BMP5: variants seen among roughly 807,000 people sequenced by gnomAD.
BMP5 encodes the protein bone morphogenetic protein 5.
Under a neutral mutation model 46.6 loss-of-function variants are expected in BMP5, and 23 were observed. The ratio of observed to expected loss-of-function variants is 0.49; its 90% CI spans 0.35 to 0.70. BMP5 has a LOEUF of 0.70. Ranked by LOEUF, BMP5 falls within the 30% of genes least tolerant of loss-of-function variation. BMP5 has a pLI of 0.00. For missense variants in BMP5, 545 were observed against 565.6 expected (o/e 0.96, Z 0.37); for synonymous variants, 204 against 191.9 (o/e 1.06, Z -0.52).
At chr6:55,783,193 C>G (rs1483492475) in intron 3 of BMP5, among the ~76,000 whole-genome samples, 1 of 152,006 alleles carries the variant, frequency 6.6e-6, no homozygotes, top group East Asian at 1.9e-4. Flanking sequence ...TTCCCCAGTT[C>G]CTATTCCACT....
At chr6:55,764,557 G>C (rs1336227817) in intron 4 of BMP5, among the ~76,000 whole-genome samples, 1 of 134,624 alleles carries the variant, frequency 7.4e-6, no homozygotes, top group African/African-American at 2.9e-5. Flanking sequence ...GGGCGACAGA[G>C]CAAGACTCTG....
At chr6:55,867,804 A>C (rs1471976468) in intron 1 of BMP5, among the ~76,000 whole-genome samples, 1 of 152,208 alleles carries the variant, frequency 6.6e-6, no homozygotes, top group Non-Finnish European at 1.5e-5. Flanking sequence ...TATTATCTGC[A>C]CTTTTTAGAT....
intron 2 of BMP5, among the ~76,000 whole-genome samples, chr6:55,814,401 A>G (rs181945103): frequency 1.0e-3 from 154 of 152,330 alleles, no homozygotes; most frequent in Admixed American, 4.2e-3. Context: ...GCATTGGGAT[A>G]TGCATTAGCC....
chr6:55,759,136 CACACACACA>C (rs1489094635), intron 5 of BMP5, 21 bp from the exon 6 acceptor site: 1 of 293,254 alleles, frequency 3.4e-6, no homozygotes, highest in African/African-American at 6.6e-5. Context: ...CACACACACA[CACACACACA>C]AAAAAAAAAA....
At chr6:55,798,980 G>A (rs1044941272) in intron 2 of BMP5, among the ~76,000 whole-genome samples, 12 of 152,170 alleles carry the variant, frequency 7.9e-5, no homozygotes, top group African/African-American at 2.2e-4. Flanking sequence ...TAACTCAACC[G>A]AAGATGCTAA....
chr6:55,842,454 A>G (rs1157502979), intron 1 of BMP5, among the ~76,000 whole-genome samples: 1 of 152,092 alleles, frequency 6.6e-6, no homozygotes, highest in Non-Finnish European at 1.5e-5. Flanking sequence ...CTACACATAC[A>G]GAATGCAACA....
At chr6:55,784,439 T>C (rs1775399100) in intron 3 of BMP5, among the ~76,000 whole-genome samples, 1 of 151,788 alleles carries the variant, frequency 6.6e-6, no homozygotes, top group African/African-American at 2.4e-5. Context: ...AATCAATAAC[T>C]ATAAAGAGAA....
chr6:55,756,681 G>A (rs549326595), intron 6 of BMP5, among the ~76,000 whole-genome samples: 1 of 151,864 alleles, frequency 6.6e-6, no homozygotes, highest in Non-Finnish European at 1.5e-5. Context: ...CTTGCATGTG[G>A]ACAGAAACAG....
rs188001783 is a variant in BMP5, at chr6:55,757,186, G to T, written c.1216-1504C>A. Among the ~76,000 whole-genome samples the T allele has an allele frequency of 2.0e-3, 310 of 151,988 alleles. 2 individuals carry two copies. Among genetic ancestry groups the T allele is most frequent in the African/African-American group, 6.9e-3 (285 of 41,516 alleles). On this transcript the variant is annotated intron_variant, in intron 6 of 6. Coordinates refer to ENST00000370830, the MANE Select transcript of BMP5 (RefSeq NM_021073.4). Reference sequence around the variant, plus strand: ...TTTTAAAAAAGAAAAAATGAGAGAAGGGGGAGTATTTGACAAAGGGTATTT... The same window carrying T: ...TTTTAAAAAAGAAAAAATGAGAGAATGGGGAGTATTTGACAAAGGGTATTT...
intron 1 of BMP5, among the ~76,000 whole-genome samples, chr6:55,824,037 C>A (rs986077604): frequency 5.9e-5 from 9 of 151,626 alleles, no homozygotes; most frequent in South Asian, 2.1e-4. Context: ...TCCTTCATAC[C>A]CAACCTTTTA....
intron 2 of BMP5, among the ~76,000 whole-genome samples, chr6:55,803,220 C>G (rs1307429142): frequency 6.6e-6 from 1 of 151,776 alleles, no homozygotes; most frequent in East Asian, 1.9e-4. Context: ...CGCTTAAACC[C>G]AGGAGGCAGA....
chr6:55,767,792 A>C (rs546862393), intron 4 of BMP5, among the ~76,000 whole-genome samples: 1 of 152,128 alleles, frequency 6.6e-6, no homozygotes, highest in Non-Finnish European at 1.5e-5. Flanking sequence ...CTTGGAAAAA[A>C]AGCAAAATGT....
chr6:55,837,437 T>C (rs1458043993), intron 1 of BMP5, among the ~76,000 whole-genome samples: 1 of 152,166 alleles, frequency 6.6e-6, no homozygotes, highest in Non-Finnish European at 1.5e-5. Flanking sequence ...TTTACTTTGG[T>C]ATACTTTGGC....
intron 2 of BMP5, among the ~76,000 whole-genome samples, chr6:55,806,501 A>C (rs1261679873): frequency 1.3e-5 from 2 of 152,112 alleles, no homozygotes; most frequent in African/African-American, 4.8e-5. Context: ...GTTAGGTAGC[A>C]TGATGCCTCC....
rs373424131 is a variant in BMP5 at position 55,834,956 on chromosome 6, G to A, written c.491-15109C>T. On this transcript the variant is annotated intron_variant, in intron 1 of 6. Coordinates refer to ENST00000370830, the MANE Select transcript of BMP5 (RefSeq NM_021073.4). Reference sequence around the variant, plus strand: ...AAAAAAATAGCTGGGCATGGTGGCAGGTGCCTATAATCCCAGCTAGTCAGG... The same window carrying A: ...AAAAAAATAGCTGGGCATGGTGGCAAGTGCCTATAATCCCAGCTAGTCAGG... Among the ~76,000 whole-genome samples, 81 of 152,138 alleles carry A rather than the reference G, an allele frequency of 5.3e-4. No homozygotes were observed. In the South Asian group the frequency reaches 0.016, roughly 31 times the overall value.
intron 1 of BMP5, among the ~76,000 whole-genome samples, chr6:55,830,323 C>A (rs1002035515): frequency 1.3e-5 from 2 of 151,972 alleles, no homozygotes; most frequent in African/African-American, 4.8e-5. Flanking sequence ...GTCAAGGGAT[C>A]CTTAGTGGTC....
intron 1 of BMP5, among the ~76,000 whole-genome samples, chr6:55,863,199 G>A (rs1777564347): frequency 1.3e-5 from 2 of 152,122 alleles, no homozygotes; most frequent in South Asian, 4.1e-4. Context: ...CTACTTCCTT[G>A]AGGGCTATAT....
intron 1 of BMP5, among the ~76,000 whole-genome samples, chr6:55,841,645 G>A (rs1776960607): frequency 6.6e-6 from 1 of 152,164 alleles, no homozygotes. Flanking sequence ...TTCTTGGCAT[G>A]CAGATGGTCA....
Position 55,872,534 on chromosome 6 carries a change from A to T in BMP5, c.490+1842T>A, listed in dbSNP as rs191973008. Among the ~76,000 whole-genome samples the T allele has an allele frequency of 2.9e-4, 44 of 151,810 alleles. No individual in the cohort carries two copies. In the East Asian group the frequency reaches 6.6e-3, roughly 23 times the overall value. On this transcript the variant is annotated intron_variant, in intron 1 of 6. Transcript: ENST00000370830. ...TAAATGTGTTTCTCAATAATAAAAA[A>T]GTTATAGGAATCAATGAATAAAACT... is the stretch of plus-strand genomic sequence containing the variant.
Sources: gnomAD v4.1 joint callset for allele counts (sites outside exome capture counted in the v4.1 genomes callset) on GRCh38, gnomAD v4.1.1 for gene constraint, MANE v1.5 for transcripts, NCBI Gene and HGNC (gene_info 2026-07-23, HGNC 2026-07-21) for gene names.